TACC2: variants seen among roughly 807,000 people sequenced by gnomAD.
The protein encoded by TACC2 is transforming acidic coiled-coil-containing protein 2.
In TACC2, 137 loss-of-function variants were observed where a neutral mutation model predicts 227.3. The ratio of observed to expected loss-of-function variants is 0.60; its 90% CI spans 0.52 to 0.69. The LOEUF is 0.69. TACC2 is among the 30% of genes least tolerant of loss of function. The pLI is 0.00. For synonymous variants in TACC2, 1,523 were observed against 1,487.5 expected (o/e 1.02, Z -0.55); for missense variants, 3,470 against 3,694.4 (o/e 0.94, Z 1.57).
intron 5 of TACC2, among the ~76,000 whole-genome samples, chr10:122,100,939 G>A (rs1471601602): frequency 6.6e-6 from 1 of 152,078 alleles, no homozygotes; most frequent in Non-Finnish European, 1.5e-5. Flanking sequence ...ACCACATTCT[G>A]GTTCAAGAGG....
chr10:122,041,398 G>C (rs182547907), intron 2 of TACC2, among the ~76,000 whole-genome samples: 23 of 151,744 alleles, frequency 1.5e-4, no homozygotes, highest in African/African-American at 5.6e-4. Context: ...AAGTTAAGCA[G>C]CAAGAATTAA....
At chr10:122,151,627 C>G (rs1450731220) in intron 7 of TACC2, among the ~76,000 whole-genome samples, 1 of 151,802 alleles carries the variant, frequency 6.6e-6, no homozygotes, top group Admixed American at 6.6e-5. Flanking sequence ...AGGGGAGAGT[C>G]AGGATGGAAT....
At chr10:122,238,999 T>G (rs1473290957) in intron 18 of TACC2, among the ~76,000 whole-genome samples, 3 of 151,904 alleles carry the variant, frequency 2.0e-5, no homozygotes, top group African/African-American at 7.3e-5. Context: ...CCGATACTAG[T>G]TTTTTTTGTG....
intron 2 of TACC2, among the ~76,000 whole-genome samples, chr10:122,042,629 T>C (rs1464892558): frequency 6.6e-6 from 1 of 152,244 alleles, no homozygotes; most frequent in Non-Finnish European, 1.5e-5. Flanking sequence ...TTCTTCTTTA[T>C]ACAGTAACAA....
At chr10:122,093,387 C>T (rs558992972) in intron 5 of TACC2, among the ~76,000 whole-genome samples, 5 of 152,248 alleles carry the variant, frequency 3.3e-5, no homozygotes, top group African/African-American at 1.2e-4. Flanking sequence ...CCCTCCACTC[C>T]GTTCTAAAAT....
chr10:122,175,584 C>G (rs1306618119), intron 7 of TACC2, among the ~76,000 whole-genome samples: 1 of 152,112 alleles, frequency 6.6e-6, no homozygotes, highest in Non-Finnish European at 1.5e-5. Flanking sequence ...TACTGTTTTT[C>G]TTCCACTTCT....
Position 122,050,585 on chromosome 10 carries a change from A to T in TACC2, c.146+35A>T. The T allele has an allele frequency of 1.3e-6, 2 of 1,529,118 alleles. No homozygotes were observed. Among genetic ancestry groups the T allele is most frequent in the Non-Finnish European group, 1.8e-6 (2 of 1,104,334 alleles). The allele number at this position is 1,529,118 out of a possible 1,614,324, so 94.7% of individuals were successfully genotyped here. On this transcript the variant is annotated intron_variant, in intron 3 of 22. Transcript: ENST00000369005. This position sits in a 1 kb window ranked among gnomAD's most constrained non-coding sequence, Gnocchi z 4.6. ...CAGCTCTGGAGGACTGATGCAGCCC[A>T]AGGACTGCCCCGCTCATTGCCTGCT...
intron 6 of TACC2, among the ~76,000 whole-genome samples, chr10:122,140,037 C>T (rs1215406149): frequency 6.6e-6 from 1 of 152,220 alleles, no homozygotes; most frequent in African/African-American, 2.4e-5. Context: ...CTCACTGCGG[C>T]CGGATCTGCA....
chr10:122,043,507 CTT>C (rs945308233), intron 2 of TACC2, among the ~76,000 whole-genome samples: 1 of 125,308 alleles, frequency 8.0e-6, no homozygotes, highest in Admixed American at 9.3e-5. Context: ...TTCTTTTTCT[CTT>C]TCTTTTTCTT....
In TACC2 at chr10:122,237,435, C is replaced by T. The variant is rs755134815; in HGVS notation, c.8168C>T (p.Thr2723Ile). 1.2e-6 allele frequency: 2 copies of T among 1,613,764 alleles called. No homozygotes were observed. Among genetic ancestry groups the T allele is most frequent in the Non-Finnish European group, 1.7e-6 (2 of 1,179,854 alleles). ...AHPTDVSISK[T>I]ALYSRIGTAE... ...CCAACAGACGTCTCCATCTCCAAAA[C>T]AGCCTTGTACTCCCGCATCGGGACC... The change falls in exon 17 of 23, where the codon ACA (threonine) becomes ATA (isoleucine). Residue 2723 changes from threonine (T) to isoleucine (I), a missense_variant. Thr to Ile is a moderately conservative substitution (Grantham distance 89). This residue lies in a region of TACC2 where 345 missense variants were observed against 354.4 expected (regional missense o/e 0.97). Coordinates refer to ENST00000369005, the MANE Select transcript of TACC2 (RefSeq NM_206862.4).
rs138574223 is a variant in TACC2 at position 122,074,118 on chromosome 10, T to C, written c.147-8529T>C. 6.8e-4 allele frequency among the ~76,000 whole-genome samples: 100 copies of C among 146,440 alleles called. 1 individual carries two copies. The East Asian group carries it at 0.02, about 29-fold the overall frequency. ...TTTTTTGAGACGGAGTATCGCTCTGTTGCACAGGCTGGAATGCAGTGGCGT... is the reference window on the plus strand; with the variant it reads ...TTTTTTGAGACGGAGTATCGCTCTGCTGCACAGGCTGGAATGCAGTGGCGT... On this transcript the variant is annotated intron_variant, in intron 3 of 22. Coordinates refer to ENST00000369005, the MANE Select transcript of TACC2 (RefSeq NM_206862.4).
chr10:122,176,738 A>C (rs2093737921), intron 7 of TACC2, among the ~76,000 whole-genome samples: 1 of 152,218 alleles, frequency 6.6e-6, no homozygotes, highest in African/African-American at 2.4e-5. Context: ...TCCTCCACCC[A>C]CCTAGGTTCT....
At chr10:121,989,701 T>A (rs558012982) in intron 1 of TACC2, among the ~76,000 whole-genome samples, 1 of 152,304 alleles carries the variant, frequency 6.6e-6, no homozygotes, top group African/African-American at 2.4e-5. Context: ...CCCTTTTGCG[T>A]CTTTCAACTT....
intron 1 of TACC2, among the ~76,000 whole-genome samples, chr10:122,014,742 T>C (rs1377429145): frequency 1.3e-5 from 2 of 152,170 alleles, no homozygotes; most frequent in Non-Finnish European, 2.9e-5. Context: ...AGTTATGCTC[T>C]TGGTCATCTT....
chr10:122,059,059 A>AT lies in TACC2; in HGVS notation c.146+8512dup, dbSNP rs370288691. On this transcript the variant is annotated intron_variant, in intron 3 of 22. Transcript: ENST00000369005. The stretch of plus-strand genomic sequence containing the variant: ...AGGCGCCTGCCACTACGCCTGGCTA[A>AT]TTTGTTGTTGTTGTTGTTGTTGTTG... 3.5e-3 allele frequency among the ~76,000 whole-genome samples: 412 copies of AT among 119,192 alleles called. 26 individuals are homozygous for AT. Among genetic ancestry groups the AT allele is most frequent in the African/African-American group, 6.5e-3 (219 of 33,952 alleles). 78.2% of individuals were successfully genotyped at this position (119,192 alleles called of 152,430 possible).
chr10:122,227,707 G>A, intron 13 of TACC2, 130 bp from the exon 14 acceptor site: 1 of 1,030,514 alleles, frequency 9.7e-7, no homozygotes, highest in South Asian at 1.6e-5. Context: ...CATGGCCACT[G>A]GAGACCTGGC....
chr10:122,236,661 TTGG>T (rs1344887984), intron 16 of TACC2, among the ~76,000 whole-genome samples: 1 of 152,096 alleles, frequency 6.6e-6, no homozygotes, highest in African/African-American at 2.4e-5. Context: ...CCAACATCAG[TTGG>T]GTGGGTTGGG....
intron 7 of TACC2, among the ~76,000 whole-genome samples, chr10:122,169,867 C>T (rs1366541395): frequency 6.6e-6 from 1 of 152,130 alleles, no homozygotes; most frequent in Non-Finnish European, 1.5e-5. Flanking sequence ...CCTCCTGCCT[C>T]AGCCTCCCGA....
At chr10:122,166,284 A>C (rs2093158402) in intron 7 of TACC2, among the ~76,000 whole-genome samples, 1 of 152,186 alleles carries the variant, frequency 6.6e-6, no homozygotes, top group Non-Finnish European at 1.5e-5. Context: ...GAAGTGACTG[A>C]AGGATTTTTT....
Sources: allele counts gnomAD v4.1 joint callset (sites outside exome capture counted in the v4.1 genomes callset), GRCh38; gene constraint gnomAD v4.1.1; regional missense constraint gnomAD v4.1.1; non-coding constraint Gnocchi (gnomAD v3.1); transcripts MANE v1.5; gene names NCBI Gene and HGNC (gene_info 2026-07-23, HGNC 2026-07-21).